Variants in SLC22A23 observed in about 807,000 individuals in gnomAD.
SLC22A23 encodes the protein solute carrier family 22 member 23.
SLC22A23 carries 26 observed loss-of-function variants against 61.0 expected under a neutral mutation model. The observed-to-expected ratio is 0.43, with a 90% CI of 0.31 to 0.59. The LOEUF (loss-of-function observed/expected upper bound fraction) is 0.59, where lower values mean the gene tolerates loss of function less well. SLC22A23 is among the 20% of genes least tolerant of loss of function. The pLI is 0.11. For missense variants in SLC22A23, 796 were observed against 934.7 expected, an observed-to-expected ratio of 0.85 and a Z score of 1.94; for synonymous variants, 430 against 413.9, an observed-to-expected ratio of 1.04 and a Z score of -0.47.
chr6:3,331,373 T>C (rs1763572130), intron 3 of SLC22A23, among the ~76,000 whole-genome samples: 1 of 152,154 alleles, frequency 6.6e-6, no homozygotes, highest in Admixed American at 6.5e-5. Flanking sequence ...ACTTGTCGCA[T>C]GAATAAATGT....
Position 3,454,689 on chromosome 6 carries a change from C to T in SLC22A23, c.654+1217G>A, listed in dbSNP as rs1193772945. Among the ~76,000 whole-genome samples the T allele has an allele frequency of 6.6e-6, 1 of 152,156 alleles. No homozygotes were observed. The highest frequency in any genetic ancestry group is 1.5e-5 in the Non-Finnish European group (1 of 68,028). ...CCAGCTAGAAGGACCTTCCCCATTA[C>T]CTTGCAGGGCAGCAGGGGCAGCTCA... On this transcript the variant is annotated intron_variant, in intron 1 of 9. Transcript: ENST00000406686. The surrounding 1 kb of genome is among the most constrained non-coding windows in gnomAD (Gnocchi z 4.3).
intron 3 of SLC22A23, among the ~76,000 whole-genome samples, chr6:3,353,111 C>G (rs748212868): frequency 5.3e-5 from 8 of 152,234 alleles, no homozygotes; most frequent in Non-Finnish European, 1.0e-4. Context: ...CCTGTGAGTG[C>G]TCCGCCTAAT....
intron 3 of SLC22A23, among the ~76,000 whole-genome samples, chr6:3,361,276 T>C (rs1765428426): frequency 6.9e-6 from 1 of 145,666 alleles, no homozygotes; most frequent in Non-Finnish European, 1.5e-5. Context: ...TTAGAGAAGC[T>C]TAAAGACTCC....
At chr6:3,437,226 C>CCAAA (rs74284983) in intron 1 of SLC22A23, among the ~76,000 whole-genome samples, 34,473 of 151,720 alleles carry the variant, frequency 0.23, 4,028 homozygotes, top group East Asian at 0.35. Context: ...TATACTTAAA[C>CCAAA]CACATTATCA....
chr6:3,426,975 G>T (rs916338714), intron 1 of SLC22A23, among the ~76,000 whole-genome samples: 2 of 152,244 alleles, frequency 1.3e-5, no homozygotes, highest in Non-Finnish European at 1.5e-5. Flanking sequence ...CATGGTAAGC[G>T]AGAGCCTGGT....
At position 3,317,162 on chromosome 6, in the gene SLC22A23, C is replaced by T. The variant is rs560788607; in HGVS notation, c.1082+6672G>A. On this transcript the variant is annotated intron_variant, in intron 4 of 9. Coordinates refer to ENST00000406686, the MANE Select transcript of SLC22A23 (RefSeq NM_015482.2). The surrounding 1 kb of genome is among the most constrained non-coding windows in gnomAD (Gnocchi z 4.4). ...TTCCCGCGCAGGAAACTTGATGTCA[C>T]CCTGTCCCACGTATTACCTTCCTGA... is the stretch of plus-strand genomic sequence containing the variant. Among the ~76,000 whole-genome samples the T allele has an allele frequency of 1.3e-5, 2 of 152,334 alleles. No individual in the cohort carries two copies. The highest frequency in any genetic ancestry group is 2.9e-5 in the Non-Finnish European group (2 of 68,038).
chr6:3,355,054 G>C (rs1764985057), intron 3 of SLC22A23, among the ~76,000 whole-genome samples: 1 of 151,618 alleles, frequency 6.6e-6, no homozygotes, highest in African/African-American at 2.4e-5. Flanking sequence ...CTACTACCGA[G>C]TTTATAAAAA....
Position 3,456,497 on chromosome 6 carries a change from G to A in SLC22A23, c.63C>T (p.Ala21=). Residue 21 remains alanine, a synonymous_variant, in exon 1 of 10, where the codon GCC becomes GCT. Transcript: ENST00000406686. The surrounding 1 kb of genome is among the most constrained non-coding windows in gnomAD (Gnocchi z 7.1). ...CGGGCGGCAGGGAGCCGTTCTCCTC[G>A]GCCGGGGCCGGCTGCCGCCCAGGCC... is the stretch of plus-strand genomic sequence containing the variant. ...GGGPGRQPAP[A]EENGSLPPGD... is the part of the protein sequence containing the mutation. The A allele has an allele frequency of 9.3e-7, 1 of 1,075,656 alleles. No homozygotes were observed. Among genetic ancestry groups the A allele is most frequent in the Non-Finnish European group, 1.1e-6 (1 of 890,068 alleles). 66.6% of individuals were successfully genotyped at this position (1,075,656 alleles called of 1,614,324 possible). A position where few individuals can be genotyped will look rare whatever the true frequency, so the allele number is the denominator to read the frequency against.
chr6:3,306,865 G>A (rs1191601641), intron 4 of SLC22A23, among the ~76,000 whole-genome samples: 1 of 152,208 alleles, frequency 6.6e-6, no homozygotes, highest in Admixed American at 6.5e-5. Context: ...TGTTCAAGCT[G>A]AGGTCACCCA....
At chr6:3,437,171 CAAG>C (rs1338339657) in intron 1 of SLC22A23, among the ~76,000 whole-genome samples, 2 of 152,056 alleles carry the variant, frequency 1.3e-5, no homozygotes, top group Non-Finnish European at 2.9e-5. Context: ...CGATGAACAA[CAAG>C]AAGGCAAACG....
At chr6:3,424,393 C>T (rs952855233) in intron 1 of SLC22A23, among the ~76,000 whole-genome samples, 1 of 152,132 alleles carries the variant, frequency 6.6e-6, no homozygotes, top group African/African-American at 2.4e-5. Context: ...AAAGTATGGC[C>T]GATTTTCTGT....
chr6:3,278,487 T>C (rs1157722562), intron 9 of SLC22A23, among the ~76,000 whole-genome samples: 1 of 152,224 alleles, frequency 6.6e-6, no homozygotes, highest in African/African-American at 2.4e-5. Context: ...CACTATTTGT[T>C]CATGTGCCTG....
At position 3,290,275 on chromosome 6, in the gene SLC22A23, C is replaced by T. The variant is rs187559500; in HGVS notation, c.1211-409G>A. 190 of 292,226 alleles carry T rather than the reference C, an allele frequency of 6.5e-4. 1 individual carries two copies. The highest frequency in any genetic ancestry group is 3.9e-3 in the African/African-American group (175 of 45,058). 18.1% of individuals were successfully genotyped at this position (292,226 alleles called of 1,614,324 possible). On this transcript the variant is annotated intron_variant, in intron 5 of 9. Transcript: ENST00000406686. ...CAAATCTAAACATGCAGTTCTTTTC[C>T]GTACACTCTACATCTGCCTGTGTCA...
Position 3,287,183 on chromosome 6 carries a change from A to C in SLC22A23, c.1314-92T>G, listed in dbSNP as rs1030929769. ...GAGTTCGTGCTGTCAGGTGACCAGG[A>C]GATGAAGAAGCAACTCAATGTGTCA... On this transcript the variant is annotated intron_variant, in intron 6 of 9. Transcript: ENST00000406686. 1.4e-4 allele frequency: 161 copies of C among 1,173,172 alleles called. 3 individuals are homozygous for C. Among genetic ancestry groups the C allele is most frequent in the South Asian group, 7.4e-4 (52 of 70,684 alleles). The allele number at this position is 1,173,172 out of a possible 1,614,324, so 72.7% of individuals were successfully genotyped here. A position where few individuals can be genotyped will look rare whatever the true frequency, so the allele number is the denominator to read the frequency against.
intron 3 of SLC22A23, among the ~76,000 whole-genome samples, chr6:3,388,415 C>T (rs113638002): frequency 3.9e-5 from 6 of 152,184 alleles, no homozygotes; most frequent in South Asian, 2.1e-4. Flanking sequence ...AAGTTTTGGG[C>T]GAGGATGTGG....
At chr6:3,287,489 G>C (rs1760135267) in intron 6 of SLC22A23, among the ~76,000 whole-genome samples, 1 of 152,068 alleles carries the variant, frequency 6.6e-6, no homozygotes. Flanking sequence ...CAGGGGCAGG[G>C]GGGCAGAGCA....
chr6:3,456,124 C>A lies in SLC22A23; in HGVS notation c.436G>T (p.Gly146Cys). 1 of 1,551,026 alleles carries A rather than the reference C, an allele frequency of 6.4e-7. No homozygotes were observed. ...CTGGTCCAGTTGCCCATGTCCCCGCCCCGGCCTGTGGTGGTGACCCCTGCC... is the reference window on the plus strand; with the variant it reads ...CTGGTCCAGTTGCCCATGTCCCCGCACCGGCCTGTGGTGGTGACCCCTGCC... ...ELAGVTTTGRGGDMGNWTSLP... is the reference protein window; with the variant it reads ...ELAGVTTTGRCGDMGNWTSLP... The change falls in exon 1 of 10, where the codon GGC becomes TGC. Residue 146 changes from glycine to cysteine, a missense_variant. Gly to Cys is a radical substitution (Grantham distance 159). Coordinates refer to ENST00000406686, the MANE Select transcript of SLC22A23 (RefSeq NM_015482.2). This position sits in a 1 kb window ranked among gnomAD's most constrained non-coding sequence, Gnocchi z 7.1.
chr6:3,409,997 A>G (rs1212693578), intron 3 of SLC22A23, among the ~76,000 whole-genome samples, 191 bp downstream of exon 3: 1 of 152,202 alleles, frequency 6.6e-6, no homozygotes, highest in African/African-American at 2.4e-5. Context: ...GCTGGAGATC[A>G]GGATTGAGTG....
chr6:3,349,024 C>T (rs151195539), intron 3 of SLC22A23, among the ~76,000 whole-genome samples: 3 of 152,336 alleles, frequency 2.0e-5, no homozygotes, highest in African/African-American at 4.8e-5. Flanking sequence ...CTGGGTAAAC[C>T]AGAAAGCCAC....
Sources: allele counts gnomAD v4.1 joint callset (sites outside exome capture counted in the v4.1 genomes callset), GRCh38; gene constraint gnomAD v4.1.1; non-coding constraint Gnocchi (gnomAD v3.1); transcripts MANE v1.5; gene names NCBI Gene and HGNC (gene_info 2026-07-23, HGNC 2026-07-21).